The following AEBP2 variants were observed in gnomAD, a reference collection of about 807,000 sequenced individuals.
The protein encoded by AEBP2 is zinc finger protein AEBP2.
A neutral mutation model predicts 50.8 loss-of-function variants in AEBP2; 10 were observed. The observed-to-expected ratio is 0.20, with a 90% CI of 0.12 to 0.33. The LOEUF is 0.33. Ranked by LOEUF, AEBP2 falls within the 10% of genes least tolerant of loss-of-function variation. The pLI, the probability that AEBP2 is intolerant of heterozygous loss-of-function variation, is 1.00. For synonymous variants in AEBP2, 296 were observed against 261.3 expected (o/e 1.13, Z -1.28); for missense variants, 570 against 688.0 (o/e 0.83, Z 1.92).
Position 19,439,907 on chromosome 12 carries a change from G to A in AEBP2, c.208G>A (p.Gly70Ser), listed in dbSNP as rs1183043819. ...CGGCAGCGGTGGGGGCGGCGGAGGCGGCGGCGGAGGAGTGGGGGGCGGCGA... is the reference window on the plus strand; with the variant it reads ...CGGCAGCGGTGGGGGCGGCGGAGGCAGCGGCGGAGGAGTGGGGGGCGGCGA... ...NGGSGGGGGGGGGGVGGGEAE... is the reference protein window; with the variant it reads ...NGGSGGGGGGSGGGVGGGEAE... Residue 70 changes from glycine (G) to serine (S), a missense_variant, in exon 1 of 8, where the codon GGC (glycine) becomes AGC (serine). Physicochemically the swap from Gly to Ser is moderately conservative, Grantham distance 56. This residue lies in a region of AEBP2 where 386 missense variants were observed against 336.8 expected (regional missense o/e 1.15). Coordinates refer to ENST00000266508, the MANE Select transcript of AEBP2 (RefSeq NM_153207.5). 2 of 1,491,776 alleles carry A rather than the reference G, an allele frequency of 1.3e-6. No individual in the cohort carries two copies. Among genetic ancestry groups the A allele is most frequent in the East Asian group, 2.7e-5 (1 of 36,616 alleles). The allele number at this position is 1,491,776 out of a possible 1,614,324, so 92.4% of individuals were successfully genotyped here. A position where few individuals can be genotyped will look rare whatever the true frequency, so the allele number is the denominator to read the frequency against.
At chr12:19,461,339 G>A (rs761180953) in intron 1 of AEBP2, among the ~76,000 whole-genome samples, 6 of 152,086 alleles carry the variant, frequency 3.9e-5, no homozygotes, top group African/African-American at 9.7e-5. Flanking sequence ...AAATGAAGGC[G>A]GAAGTGTGAT....
chr12:19,472,490 A>G (rs996118965), intron 2 of AEBP2, among the ~76,000 whole-genome samples: 4 of 152,144 alleles, frequency 2.6e-5, no homozygotes, highest in African/African-American at 2.4e-5. Context: ...ACCTAGTTAT[A>G]CTTAGTACCC....
intron 3 of AEBP2, among the ~76,000 whole-genome samples, chr12:19,476,625 A>G (rs1413702992): frequency 6.6e-6 from 1 of 152,210 alleles, no homozygotes; most frequent in African/African-American, 2.4e-5. Context: ...TACAGGCGTG[A>G]GTCACCAATA....
chr12:19,456,955 A>T (rs538343071), intron 1 of AEBP2: 2 of 1,521,230 alleles, frequency 1.3e-6, no homozygotes, highest in Non-Finnish European at 1.8e-6. Context: ...CTCAAGCAGC[A>T]TGGTTCCACT....
chr12:19,405,982 T>G (rs1440532662), intron 1 of AEBP2, among the ~76,000 whole-genome samples: 1 of 151,362 alleles, frequency 6.6e-6, no homozygotes, highest in African/African-American at 2.4e-5. Context: ...TTTTTTTTTT[T>G]TTCTTTTTTG....
At position 19,512,448 on chromosome 12, in the gene AEBP2, T is replaced by C. The variant is rs370960442; in HGVS notation, c.1350T>C (p.His450=). The C allele has an allele frequency of 2.5e-6, 4 of 1,577,512 alleles. No individual in the cohort carries two copies. In the African/African-American group the frequency reaches 4.0e-5, roughly 16 times the overall value. The part of the protein sequence containing the change: ...EDSGKIKLLL[H]WMPEDILPDV... The stretch of plus-strand genomic sequence containing the variant: ...CTGGGAAGATCAAACTTTTGCTTCA[T>C]TGGATGCCTGAAGACATGTAAGTAT... Residue 450 remains histidine, a synonymous_variant, in exon 6 of 8, where the codon CAT becomes CAC. Transcript: ENST00000266508.
At chr12:19,469,608 C>T (rs4963536) in intron 2 of AEBP2, among the ~76,000 whole-genome samples, 3,480 of 152,258 alleles carry the variant, frequency 0.023, 44 homozygotes, top group East Asian at 0.043. Context: ...TGCATCACCA[C>T]GTCTGGCTAA....
At position 19,497,328 on chromosome 12, in the gene AEBP2, GTTTTTTTTTT is replaced by G. The variant is rs34011915; in HGVS notation, c.1175-2754_1175-2745del. Among the ~76,000 whole-genome samples the G allele has an allele frequency of 2.1e-3, 168 of 78,722 alleles. No homozygotes were observed. In the Middle Eastern group the frequency reaches 0.057, roughly 27 times the overall value. 51.6% of individuals were successfully genotyped at this position (78,722 alleles called of 152,430 possible). The stretch of plus-strand genomic sequence containing the variant: ...TTCTATTTTTGTGGTTTCCAAAGGT[GTTTTTTTTTT>G]TTTTTTTTTTTTTTGAGACAGAGTC... On this transcript the variant is annotated intron_variant, in intron 4 of 7. Coordinates refer to ENST00000266508, the MANE Select transcript of AEBP2 (RefSeq NM_153207.5).
In AEBP2 at chr12:19,518,997, A is replaced by C. The variant is rs1269018646; in HGVS notation, c.*880A>C. 1 of 214,778 alleles carries C rather than the reference A, an allele frequency of 4.7e-6. No individual in the cohort carries two copies. The highest frequency in any genetic ancestry group is 9.1e-6 in the Non-Finnish European group (1 of 109,460). The allele number at this position is 214,778 out of a possible 1,614,324, so 13.3% of individuals were successfully genotyped here. A position where few individuals can be genotyped will look rare whatever the true frequency, so the allele number is the denominator to read the frequency against. Reference sequence around the variant, plus strand: ...TTTTTGAGTTGTTTTTTCTTAATGTAAGAAAAATTGTATTTTTTTTACAAG... The same window carrying C: ...TTTTTGAGTTGTTTTTTCTTAATGTCAGAAAAATTGTATTTTTTTTACAAG... On this transcript the variant is annotated 3_prime_UTR_variant, in exon 8 of 8. Transcript: ENST00000266508.
chr12:19,447,397 C>T (rs1948090817), intron 1 of AEBP2, among the ~76,000 whole-genome samples: 1 of 152,158 alleles, frequency 6.6e-6, no homozygotes. Flanking sequence ...GTTGTGTGCT[C>T]CCTGAGAAGA....
At chr12:19,473,587 G>T (rs1042519477) in intron 3 of AEBP2, among the ~76,000 whole-genome samples, 14 of 152,110 alleles carry the variant, frequency 9.2e-5, no homozygotes, top group East Asian at 5.8e-4. Flanking sequence ...TGTACTTTTA[G>T]TAGAGATGGT....
At chr12:19,502,754 T>C (rs1949101935) in intron 5 of AEBP2, among the ~76,000 whole-genome samples, 1 of 151,996 alleles carries the variant, frequency 6.6e-6, no homozygotes. Flanking sequence ...GTTCAAGCGA[T>C]TCTTGTGCCT....
At chr12:19,449,587 TG>T (rs1646437439) in intron 1 of AEBP2, among the ~76,000 whole-genome samples, 1 of 152,224 alleles carries the variant, frequency 6.6e-6, no homozygotes, top group Admixed American at 6.5e-5. Context: ...TGAATGCTGC[TG>T]GGTCTTCAGG....
In AEBP2 at chr12:19,452,958, G is replaced by A. The variant is rs1393239074; in HGVS notation, c.672-9552G>A. On this transcript the variant is annotated intron_variant, in intron 1 of 7. Transcript: ENST00000266508. ...CTGTGAAAAACTATTATAGACTTAC[G>A]TTCTTTTTTTTTTTTTTTTTTTTTT... Among the ~76,000 whole-genome samples the A allele has an allele frequency of 8.3e-5, 9 of 108,498 alleles. No individual in the cohort carries two copies. In the East Asian group the frequency reaches 2.1e-3, roughly 25 times the overall value. 71.2% of individuals were successfully genotyped at this position (108,498 alleles called of 152,430 possible). A position where few individuals can be genotyped will look rare whatever the true frequency, so the allele number is the denominator to read the frequency against.
intron 1 of AEBP2, chr12:19,440,858 T>A: frequency 8.6e-7 from 1 of 1,163,432 alleles, no homozygotes; most frequent in Non-Finnish European, 1.2e-6. Flanking sequence ...CTATCACTTT[T>A]CTCTACTTAA....
intron 5 of AEBP2, among the ~76,000 whole-genome samples, chr12:19,503,185 C>T (rs1000761554): frequency 3.3e-5 from 5 of 152,126 alleles, no homozygotes; most frequent in Admixed American, 1.3e-4. Flanking sequence ...TGGGCGTTGT[C>T]ACCATTTTAA....
intron 6 of AEBP2, among the ~76,000 whole-genome samples, chr12:19,512,897 G>A (rs987194994): frequency 2.6e-5 from 4 of 152,106 alleles, no homozygotes; most frequent in Non-Finnish European, 5.9e-5. Context: ...GCAGTGAGCC[G>A]AGATCATGCC....
intron 1 of AEBP2, among the ~76,000 whole-genome samples, chr12:19,450,511 C>G (rs565464712): frequency 7.0e-6 from 1 of 142,588 alleles, no homozygotes; most frequent in Non-Finnish European, 1.5e-5. Flanking sequence ...TTGTGTGCTA[C>G]ACTAGATAAA....
intron 1 of AEBP2, among the ~76,000 whole-genome samples, chr12:19,450,747 C>T (rs765156561): frequency 6.1e-5 from 9 of 148,638 alleles, no homozygotes; most frequent in Middle Eastern, 3.2e-3. Context: ...GAGGCTGAGA[C>T]GGGAAGATCG....
Sources: gnomAD v4.1 joint callset for allele counts (sites outside exome capture counted in the v4.1 genomes callset) on GRCh38, gnomAD v4.1.1 for gene constraint, gnomAD v4.1.1 regional missense constraint, MANE v1.5 for transcripts, NCBI Gene and HGNC (gene_info 2026-07-23, HGNC 2026-07-21) for gene names.